RABGAP1L: variants seen among roughly 807,000 people sequenced by gnomAD.
The protein encoded by RABGAP1L is RAB GTPase activating protein 1 like.
A neutral mutation model predicts 137.7 loss-of-function variants in RABGAP1L; 63 were observed. The observed-to-expected ratio is 0.46, with a 90% confidence interval of 0.37 to 0.56. The LOEUF is 0.56. Among genes scored for constraint, RABGAP1L ranks in the 20% least tolerant of loss-of-function variants. RABGAP1L has a pLI of 0.00. For missense variants in RABGAP1L, 1,095 were observed against 1,244.0 expected (o/e 0.88, Z 1.80); for synonymous variants, 431 against 433.7 (o/e 0.99, Z 0.08).
chr1:174,661,760 A>G (rs1236918712), intron 14 of RABGAP1L, among the ~76,000 whole-genome samples: 3 of 152,164 alleles, frequency 2.0e-5, no homozygotes, highest in Non-Finnish European at 4.4e-5. Flanking sequence ...TGCATTTACA[A>G]TGGTGGTCCC....
chr1:174,646,002 T>C (rs1029469595), intron 14 of RABGAP1L, among the ~76,000 whole-genome samples: 7 of 152,184 alleles, frequency 4.6e-5, no homozygotes, highest in Admixed American at 6.5e-5. Context: ...CACATACATA[T>C]CTTCCTTTAA....
At chr1:174,788,895 G>A (rs1687651319) in intron 18 of RABGAP1L, among the ~76,000 whole-genome samples, 1 of 152,058 alleles carries the variant, frequency 6.6e-6, no homozygotes, top group Non-Finnish European at 1.5e-5. Context: ...TGTATTTTTA[G>A]TAGAGATAGG....
chr1:174,313,872 G>C (rs1000990859), intron 11 of RABGAP1L, among the ~76,000 whole-genome samples: 1 of 152,086 alleles, frequency 6.6e-6, no homozygotes, highest in Non-Finnish European at 1.5e-5. Flanking sequence ...CATCATGAAT[G>C]ATCTTTCTAT....
intron 13 of RABGAP1L, among the ~76,000 whole-genome samples, chr1:174,496,248 C>G (rs552514488): frequency 2.0e-5 from 3 of 152,202 alleles, no homozygotes; most frequent in Admixed American, 6.5e-5. Flanking sequence ...AAGGAAAATC[C>G]TTTCCAGTGT....
At chr1:174,297,897 T>G (rs1054015341) in intron 10 of RABGAP1L, among the ~76,000 whole-genome samples, 15 of 152,088 alleles carry the variant, frequency 9.9e-5, no homozygotes, top group Non-Finnish European at 1.0e-4. Flanking sequence ...ATGTTGGGTT[T>G]TTGGGTTCCC....
intron 17 of RABGAP1L, among the ~76,000 whole-genome samples, chr1:174,708,476 G>A (rs1037457582): frequency 6.6e-6 from 1 of 152,104 alleles, no homozygotes; most frequent in Non-Finnish European, 1.5e-5. Flanking sequence ...TTAGACAGTG[G>A]GTGCAGCCCA....
At chr1:174,629,774 T>C (rs1372796443) in intron 13 of RABGAP1L, among the ~76,000 whole-genome samples, 1 of 152,208 alleles carries the variant, frequency 6.6e-6, no homozygotes, top group Non-Finnish European at 1.5e-5. Flanking sequence ...TCCGCCCGCC[T>C]CAGCCTCCCA....
At chr1:174,614,406 C>A (rs547844307) in intron 13 of RABGAP1L, among the ~76,000 whole-genome samples, 2 of 152,156 alleles carry the variant, frequency 1.3e-5, no homozygotes, top group South Asian at 4.2e-4. Context: ...TCTGGCTTCC[C>A]CCACTCTCTT....
chr1:174,939,981 C>G (rs1665584617), intron 19 of RABGAP1L, among the ~76,000 whole-genome samples: 1 of 152,148 alleles, frequency 6.6e-6, no homozygotes, highest in African/African-American at 2.4e-5. Flanking sequence ...AAGTATTCAG[C>G]TTTATGTTAG....
chr1:174,241,446 T>C (rs1671821099), intron 4 of RABGAP1L, 37 bp from the exon 5 acceptor site: 1 of 1,366,508 alleles, frequency 7.3e-7, no homozygotes, highest in African/African-American at 1.5e-5. Flanking sequence ...TCTTCGAGAA[T>C]TAATATTTTA....
At chr1:174,900,746 C>G (rs1275649312) in intron 19 of RABGAP1L, among the ~76,000 whole-genome samples, 1 of 152,080 alleles carries the variant, frequency 6.6e-6, no homozygotes, top group African/African-American at 2.4e-5. Flanking sequence ...TCTTGTACTC[C>G]TTGCCTCAAG....
chr1:174,182,847 A>T (rs1666486083), intron 1 of RABGAP1L, among the ~76,000 whole-genome samples: 1 of 152,186 alleles, frequency 6.6e-6, no homozygotes, highest in Non-Finnish European at 1.5e-5. Context: ...ATTTTCTTTC[A>T]TGTTGCCTTT....
At chr1:174,549,850 A>G (rs1666293113) in intron 13 of RABGAP1L, among the ~76,000 whole-genome samples, 1 of 152,140 alleles carries the variant, frequency 6.6e-6, no homozygotes, top group Non-Finnish European at 1.5e-5. Context: ...AGCCTCACCC[A>G]AGGTTTTGGA....
At chr1:174,183,190 A>G (rs1252263205) in intron 1 of RABGAP1L, among the ~76,000 whole-genome samples, 1 of 152,200 alleles carries the variant, frequency 6.6e-6, no homozygotes, top group African/African-American at 2.4e-5. Context: ...CAATTTGTAT[A>G]TTTTCTTGAT....
At chr1:174,575,595 C>T (rs1415963633) in intron 13 of RABGAP1L, among the ~76,000 whole-genome samples, 1 of 152,146 alleles carries the variant, frequency 6.6e-6, no homozygotes, top group Non-Finnish European at 1.5e-5. Flanking sequence ...GTATTTTTGT[C>T]ATTGACAACC....
intron 1 of RABGAP1L, among the ~76,000 whole-genome samples, chr1:174,208,192 G>A (rs1303895207): frequency 1.3e-5 from 2 of 151,726 alleles, no homozygotes; most frequent in African/African-American, 2.4e-5. Flanking sequence ...ATTGTATGTA[G>A]GGAGGATAGT....
At chr1:174,581,157 A>G (rs781697759) in intron 13 of RABGAP1L, among the ~76,000 whole-genome samples, 1 of 152,224 alleles carries the variant, frequency 6.6e-6, no homozygotes, top group Non-Finnish European at 1.5e-5. Flanking sequence ...TGACCCAGCA[A>G]TTCTATTTAT....
chr1:174,952,226 G>C (rs191289789), intron 19 of RABGAP1L, among the ~76,000 whole-genome samples: 3 of 151,328 alleles, frequency 2.0e-5, no homozygotes, highest in East Asian at 3.9e-4. Context: ...TTTGGGCCAG[G>C]CCTGGTGGCT....
intron 13 of RABGAP1L, among the ~76,000 whole-genome samples, chr1:174,490,587 A>G (rs1458599403): frequency 2.0e-5 from 3 of 152,112 alleles, no homozygotes; most frequent in South Asian, 4.1e-4. Context: ...GTTATCGCCT[A>G]TGTTCTCTGA....
Sources: gnomAD v4.1 joint callset for allele counts (sites outside exome capture counted in the v4.1 genomes callset) on GRCh38, gnomAD v4.1.1 for gene constraint, MANE v1.5 for transcripts, NCBI Gene and HGNC (gene_info 2026-07-23, HGNC 2026-07-21) for gene names.